The following BTBD9 variants were observed in gnomAD, a reference collection of about 807,000 sequenced individuals.
BTBD9 encodes the protein BTB domain containing 9, also known as BTB/POZ domain-containing protein 9.
Under a neutral mutation model 64.3 loss-of-function variants are expected in BTBD9, and 49 were observed. The observed-to-expected ratio is 0.76, with a 90% confidence interval of 0.61 to 0.97. The LOEUF (loss-of-function observed/expected upper bound fraction) is 0.97. BTBD9 is among the 50% of genes least tolerant of loss of function. The pLI, the probability that BTBD9 is intolerant of heterozygous loss-of-function variation, is 0.00. For synonymous variants in BTBD9, 260 were observed against 274.7 expected (o/e 0.95, Z 0.53); for missense variants, 598 against 762.1 (o/e 0.78, Z 2.53).
chr6:38,200,415 A>C (rs184122417), intron 9 of BTBD9, among the ~76,000 whole-genome samples: 90 of 152,362 alleles, frequency 5.9e-4, no homozygotes, highest in Admixed American at 1.8e-3. Context: ...GAAACAATAA[A>C]GATTAGAGCA....
At chr6:38,300,000 G>T (rs1325106640) in intron 7 of BTBD9, among the ~76,000 whole-genome samples, 1 of 152,222 alleles carries the variant, frequency 6.6e-6, no homozygotes, top group African/African-American at 2.4e-5. Flanking sequence ...GGTCTAACAT[G>T]TAAGTCTTTA....
chr6:38,576,120 C>T lies in BTBD9; in HGVS notation c.1154+1480G>A, dbSNP rs75716842. ...TTGTTTCAAATTAAATGCAAACACACAGTCCTTCAGTCCATATCAGACGCT... is the reference window on the plus strand; with the variant it reads ...TTGTTTCAAATTAAATGCAAACACATAGTCCTTCAGTCCATATCAGACGCT... On this transcript the variant is annotated intron_variant, in intron 6 of 10. Coordinates refer to ENST00000481247, the MANE Select transcript of BTBD9 (RefSeq NM_001099272.2). Among the ~76,000 whole-genome samples, 337 of 152,218 alleles carry T rather than the reference C, an allele frequency of 2.2e-3. 6 individuals are homozygous for T. The East Asian group carries it at 0.036, about 16-fold the overall frequency.
At chr6:38,627,084 A>G (rs1309683101) in intron 1 of BTBD9, among the ~76,000 whole-genome samples, 2 of 152,242 alleles carry the variant, frequency 1.3e-5, no homozygotes, top group Non-Finnish European at 2.9e-5. Flanking sequence ...AAATGCATAC[A>G]AGATTATTAC....
chr6:38,456,364 T>C (rs1329264720), intron 6 of BTBD9, among the ~76,000 whole-genome samples: 1 of 152,218 alleles, frequency 6.6e-6, no homozygotes, highest in Non-Finnish European at 1.5e-5. Context: ...ATTTCACTTG[T>C]CTAAGGAGTG....
intron 6 of BTBD9, among the ~76,000 whole-genome samples, chr6:38,510,471 G>T (rs958448746): frequency 1.3e-5 from 2 of 152,162 alleles, no homozygotes; most frequent in Admixed American, 1.3e-4. Context: ...CACTACAGCT[G>T]ACTTTATAAA....
intron 6 of BTBD9, among the ~76,000 whole-genome samples, chr6:38,423,430 T>C (rs2127280547): frequency 6.6e-6 from 1 of 152,152 alleles, no homozygotes; most frequent in African/African-American, 2.4e-5. Flanking sequence ...TAAGCCTCCC[T>C]CGAAACTGGG....
intron 8 of BTBD9, among the ~76,000 whole-genome samples, chr6:38,274,905 G>A (rs1490888897): frequency 6.6e-6 from 1 of 152,142 alleles, no homozygotes; most frequent in African/African-American, 2.4e-5. Flanking sequence ...AAATGAGTTA[G>A]GGAGGATTCC....
rs571535394 is a variant in BTBD9, at chr6:38,576,112, C to A, written c.1154+1488G>T. 3.0e-3 allele frequency among the ~76,000 whole-genome samples: 453 copies of A among 152,214 alleles called. 4 individuals are homozygous for A. Among genetic ancestry groups the A allele is most frequent in the African/African-American group, 0.011 (444 of 41,514 alleles). On this transcript the variant is annotated intron_variant, in intron 6 of 10. Coordinates refer to ENST00000481247, the MANE Select transcript of BTBD9 (RefSeq NM_001099272.2). ...TGTTCCTGTTGTTTCAAATTAAATGCAAACACACAGTCCTTCAGTCCATAT... is the reference window on the plus strand; with the variant it reads ...TGTTCCTGTTGTTTCAAATTAAATGAAAACACACAGTCCTTCAGTCCATAT...
intron 4 of BTBD9, chr6:38,588,383 C>CT (rs1776640325): frequency 1.2e-6 from 1 of 842,438 alleles, no homozygotes; most frequent in African/African-American, 1.7e-5. Context: ...CCTAGAATGG[C>CT]TCCAAGCCAA....
rs150363184 is a variant in BTBD9 at position 38,475,319 on chromosome 6, A to G, written c.1154+102281T>C. ...TATATTCTCAGAAAATCTCCTAGTAACAGTTACATTTAAAAGGAAAAAACA... is the reference window on the plus strand; with the variant it reads ...TATATTCTCAGAAAATCTCCTAGTAGCAGTTACATTTAAAAGGAAAAAACA... On this transcript the variant is annotated intron_variant, in intron 6 of 10. Transcript: ENST00000481247. Among the ~76,000 whole-genome samples the G allele has an allele frequency of 1.1e-3, 164 of 152,282 alleles. 1 individual carries two copies. Among genetic ancestry groups the G allele is most frequent in the African/African-American group, 3.8e-3 (157 of 41,536 alleles).
rs374238514 is a variant in BTBD9 at position 38,425,049 on chromosome 6, G to A, written c.1155-79956C>T. 4.0e-5 allele frequency among the ~76,000 whole-genome samples: 6 copies of A among 150,512 alleles called. No homozygotes were observed. In the East Asian group the frequency reaches 5.8e-4, roughly 15 times the overall value. On this transcript the variant is annotated intron_variant, in intron 6 of 10. Coordinates refer to ENST00000481247, the MANE Select transcript of BTBD9 (RefSeq NM_001099272.2). ...CTTCACTATGTTGAACAGGCTGGTC[G>A]TGGTGATCCACCTGCCTTGGCCTCC...
intron 9 of BTBD9, among the ~76,000 whole-genome samples, chr6:38,196,788 T>A (rs1762285491): frequency 6.6e-6 from 1 of 152,154 alleles, no homozygotes; most frequent in African/African-American, 2.4e-5. Flanking sequence ...TGCCTTGTAG[T>A]TGGTTGTTTG....
intron 6 of BTBD9, among the ~76,000 whole-genome samples, chr6:38,569,265 T>A (rs1017161807): frequency 6.6e-6 from 1 of 152,236 alleles, no homozygotes; most frequent in Non-Finnish European, 1.5e-5. Context: ...CATCTTTTTA[T>A]GTCTGGCACC....
At chr6:38,638,090 GTTTA>G (rs1778589204) in intron 1 of BTBD9, among the ~76,000 whole-genome samples, 1 of 152,078 alleles carries the variant, frequency 6.6e-6, no homozygotes, top group African/African-American at 2.4e-5. Context: ...TCAGCTCCTG[GTTTA>G]TTTCCTAACA....
chr6:38,169,708 G>A lies in BTBD9; in HGVS notation c.*5277C>T, dbSNP rs1022284102. ...GCTGAGGGGGCTCTGTCAACCAGGGGACACTAGTGGGGACAGGTGTGTAGC... is the reference window on the plus strand; with the variant it reads ...GCTGAGGGGGCTCTGTCAACCAGGGAACACTAGTGGGGACAGGTGTGTAGC... On this transcript the variant is annotated 3_prime_UTR_variant, in exon 11 of 11. Coordinates refer to ENST00000481247, the MANE Select transcript of BTBD9 (RefSeq NM_001099272.2). 1 of 152,276 alleles carries A rather than the reference G, an allele frequency of 6.6e-6. No individual in the cohort carries two copies. The highest frequency in any genetic ancestry group is 1.5e-5 in the Non-Finnish European group (1 of 68,112). The allele number at this position is 152,276 out of a possible 1,614,324, so 9.4% of individuals were successfully genotyped here.
intron 6 of BTBD9, among the ~76,000 whole-genome samples, chr6:38,366,641 T>A (rs946013066): frequency 6.6e-6 from 1 of 152,232 alleles, no homozygotes; most frequent in Non-Finnish European, 1.5e-5. Flanking sequence ...TGGAAGCTGC[T>A]AAACATTGAA....
chr6:38,412,752 A>C (rs115697841), intron 6 of BTBD9, among the ~76,000 whole-genome samples: 5,869 of 152,098 alleles, frequency 0.039, 197 homozygotes, highest in East Asian at 0.13. Flanking sequence ...CAAGCTATTC[A>C]GGAGGCTGAG....
At chr6:38,357,556 A>G (rs1216325955) in intron 6 of BTBD9, among the ~76,000 whole-genome samples, 1 of 152,218 alleles carries the variant, frequency 6.6e-6, no homozygotes, top group Non-Finnish European at 1.5e-5. Flanking sequence ...TGGATTATTC[A>G]GGCTCTCTGC....
intron 1 of BTBD9, among the ~76,000 whole-genome samples, chr6:38,629,655 C>T (rs1481483586): frequency 6.6e-6 from 1 of 151,478 alleles, no homozygotes; most frequent in African/African-American, 2.4e-5. Context: ...AACCCTGTCT[C>T]TACTAAAAAT....
Sources: allele counts gnomAD v4.1 joint callset (sites outside exome capture counted in the v4.1 genomes callset), GRCh38; gene constraint gnomAD v4.1.1; transcripts MANE v1.5; gene names NCBI Gene and HGNC (gene_info 2026-07-23, HGNC 2026-07-21).